EEPD1: variants seen among roughly 807,000 people sequenced by gnomAD.
The protein encoded by EEPD1 is endonuclease/exonuclease/phosphatase family domain-containing protein 1.
In EEPD1, 17 loss-of-function variants were observed where a neutral mutation model predicts 46.3. The observed-to-expected ratio is 0.37, with a 90% CI of 0.25 to 0.55. The LOEUF (loss-of-function observed/expected upper bound fraction) is 0.55. Among genes scored for constraint, EEPD1 ranks in the 20% least tolerant of loss-of-function variants. The pLI, the probability that EEPD1 is intolerant of heterozygous loss-of-function variation, is 0.83. For synonymous variants in EEPD1, 313 were observed against 315.6 expected, an observed-to-expected ratio of 0.99 and a Z score of 0.09; for missense variants, 673 against 745.6, an observed-to-expected ratio of 0.90 and a Z score of 1.13.
At chr7:36,177,656 G>T (rs1785205611) in intron 2 of EEPD1, among the ~76,000 whole-genome samples, 1 of 151,878 alleles carries the variant, frequency 6.6e-6, no homozygotes, top group Admixed American at 6.6e-5. Context: ...TTTCCAATTC[G>T]CTGTTCATGG....
chr7:36,290,468 T>G (rs1298293155), intron 6 of EEPD1, among the ~76,000 whole-genome samples: 1 of 152,034 alleles, frequency 6.6e-6, no homozygotes, highest in African/African-American at 2.4e-5. Flanking sequence ...CTAACAAGGG[T>G]AGACAAGTCA....
chr7:36,268,783 A>C (rs1562707649), intron 3 of EEPD1, among the ~76,000 whole-genome samples: 1 of 152,194 alleles, frequency 6.6e-6, no homozygotes, highest in Non-Finnish European at 1.5e-5. Flanking sequence ...GGCCTGTGCT[A>C]CCTGCTTTAG....
intron 2 of EEPD1, among the ~76,000 whole-genome samples, chr7:36,197,515 G>A (rs1785628129): frequency 6.6e-6 from 1 of 152,202 alleles, no homozygotes; most frequent in South Asian, 2.1e-4. Context: ...GATGGTTGCC[G>A]TGTCTGTGTA....
intron 3 of EEPD1, among the ~76,000 whole-genome samples, chr7:36,263,337 G>A (rs917576184): frequency 2.7e-5 from 4 of 148,978 alleles, no homozygotes; most frequent in African/African-American, 4.9e-5. Flanking sequence ...TCTCAAGGGA[G>A]GGGGGGGAAA....
intron 3 of EEPD1, among the ~76,000 whole-genome samples, chr7:36,256,983 C>CT: frequency 6.6e-6 from 1 of 152,176 alleles, no homozygotes; most frequent in Non-Finnish European, 1.5e-5. Flanking sequence ...ATATTTAGTG[C>CT]TTTTTTCATG....
chr7:36,223,014 G>A (rs1178745919), intron 2 of EEPD1, among the ~76,000 whole-genome samples: 2 of 152,094 alleles, frequency 1.3e-5, no homozygotes, highest in Admixed American at 1.3e-4. Flanking sequence ...AGGCAGGCGT[G>A]GTGGCGGGTG....
intron 3 of EEPD1, among the ~76,000 whole-genome samples, chr7:36,240,042 G>T (rs184576029): frequency 1.0e-3 from 155 of 152,306 alleles, no homozygotes; most frequent in Admixed American, 2.0e-3. Context: ...TGGGAGACTG[G>T]AGGGTTGCTT....
chr7:36,154,305 G>A lies in EEPD1; in HGVS notation c.-20G>A. On this transcript the variant is annotated 5_prime_UTR_variant, in exon 2 of 8. Transcript: ENST00000242108. The surrounding 1 kb of genome is among the most constrained non-coding windows in gnomAD (Gnocchi z 4.2). The stretch of plus-strand genomic sequence containing the variant: ...TTCTGCAGTGGTGCGGCCTTCCCGG[G>A]AGCCTGATCCTGGCGGACCATGGGG... 1 of 1,598,198 alleles carries A rather than the reference G, an allele frequency of 6.3e-7. No individual in the cohort carries two copies. Among genetic ancestry groups the A allele is most frequent in the South Asian group, 1.1e-5 (1 of 90,482 alleles).
chr7:36,299,112 A>G lies in EEPD1; in HGVS notation c.1616A>G (p.Tyr539Cys), dbSNP rs773242407. ...SEHCPVLAEF[Y>C]TEKDWSKKDA... ...CACTGCCCAGTGCTAGCCGAGTTCT[A>G]CACTGAAAAGGACTGGAGCAAGAAG... Residue 539 changes from tyrosine to cysteine, a missense_variant, in exon 8 of 8, where the codon TAC (tyrosine) becomes TGC (cysteine). Coordinates refer to ENST00000242108, the MANE Select transcript of EEPD1 (RefSeq NM_030636.3). 1.9e-6 allele frequency: 3 copies of G among 1,611,520 alleles called. No homozygotes were observed. Among genetic ancestry groups the G allele is most frequent in the Non-Finnish European group, 1.7e-6 (2 of 1,177,892 alleles).
intron 6 of EEPD1, 76 bp downstream of exon 6, chr7:36,287,853 G>T: frequency 6.4e-7 from 1 of 1,557,180 alleles, no homozygotes; most frequent in South Asian, 1.2e-5. Context: ...AGCCATCTCT[G>T]ACCACTTGGG....
intron 3 of EEPD1, among the ~76,000 whole-genome samples, chr7:36,253,176 G>T (rs1786777146): frequency 6.6e-6 from 1 of 151,920 alleles, no homozygotes; most frequent in South Asian, 2.1e-4. Context: ...AGCATTTTTA[G>T]TTTTCCCTTG....
At chr7:36,168,041 C>T (rs890947819) in intron 2 of EEPD1, among the ~76,000 whole-genome samples, 1 of 152,138 alleles carries the variant, frequency 6.6e-6, no homozygotes, top group African/African-American at 2.4e-5. Flanking sequence ...ACGCCAGCTA[C>T]GGGCTCCCCT....
intron 6 of EEPD1, among the ~76,000 whole-genome samples, chr7:36,294,936 G>T (rs534092877): frequency 6.6e-6 from 1 of 152,254 alleles, no homozygotes; most frequent in East Asian, 1.9e-4. Flanking sequence ...CCAGCACTTT[G>T]GGAAGCCGAA....
intron 2 of EEPD1, among the ~76,000 whole-genome samples, chr7:36,179,699 A>T (rs1020397675): frequency 5.4e-3 from 12 of 2,204 alleles, no homozygotes; most frequent in Non-Finnish European, 0.017. Context: ...GTCTCTACTA[A>T]AAAAAAAAAA....
At chr7:36,174,886 T>C (rs1404844684) in intron 2 of EEPD1, among the ~76,000 whole-genome samples, 1 of 151,884 alleles carries the variant, frequency 6.6e-6, no homozygotes, top group Non-Finnish European at 1.5e-5. Context: ...TTTAATAGAG[T>C]TTAATTGAGT....
chr7:36,247,927 C>T (rs1401115935), intron 3 of EEPD1, among the ~76,000 whole-genome samples: 3 of 152,150 alleles, frequency 2.0e-5, no homozygotes, highest in African/African-American at 4.8e-5. Context: ...TGGTGTTAGC[C>T]TCCTCCAGCA....
At chr7:36,238,308 C>A (rs1786492922) in intron 2 of EEPD1, among the ~76,000 whole-genome samples, 1 of 152,142 alleles carries the variant, frequency 6.6e-6, no homozygotes. Flanking sequence ...CTTGTGCCGA[C>A]CTCCTATCTC....
Position 36,299,418 on chromosome 7 carries a change from C to A in EEPD1, c.*212C>A. ...CGCGTACCCCACCAGGTGGGCAAAG[C>A]AGAAACCTGCGGGGAGCGGAGACGC... On this transcript the variant is annotated 3_prime_UTR_variant, in exon 8 of 8. Coordinates refer to ENST00000242108, the MANE Select transcript of EEPD1 (RefSeq NM_030636.3). The A allele has an allele frequency of 1.6e-6, 1 of 620,020 alleles. No homozygotes were observed. Among genetic ancestry groups the A allele is most frequent in the Non-Finnish European group, 2.8e-6 (1 of 359,008 alleles). The allele number at this position is 620,020 out of a possible 1,614,324, so 38.4% of individuals were successfully genotyped here. A position where few individuals can be genotyped will look rare whatever the true frequency, so the allele number is the denominator to read the frequency against.
In EEPD1 at chr7:36,242,135, T is replaced by TATAAAA. The variant is rs773695642; in HGVS notation, c.930+3099_930+3100insATAAAA. 2.5e-3 allele frequency among the ~76,000 whole-genome samples: 387 copies of TATAAAA among 152,320 alleles called. 6 individuals are homozygous for TATAAAA. The East Asian group carries it at 0.035, about 14-fold the overall frequency. On this transcript the variant is annotated intron_variant, in intron 3 of 7. Coordinates refer to ENST00000242108, the MANE Select transcript of EEPD1 (RefSeq NM_030636.3). ...TTACTTACTTTCTCGTGCCTTAGTTTCCCAGTTTATAAAATTGAAACTATT... is the reference window on the plus strand; with the variant it reads ...TTACTTACTTTCTCGTGCCTTAGTTTATAAAACCCAGTTTATAAAATTGAAACTATT...
Sources: gnomAD v4.1 joint callset for allele counts (sites outside exome capture counted in the v4.1 genomes callset) on GRCh38, gnomAD v4.1.1 for gene constraint, Gnocchi (gnomAD v3.1) non-coding constraint, MANE v1.5 for transcripts, NCBI Gene and HGNC (gene_info 2026-07-23, HGNC 2026-07-21) for gene names.